SRCIN1: variants seen among roughly 807,000 people sequenced by gnomAD.
SRCIN1 encodes P130Cas-associated protein.
A neutral mutation model predicts 116.2 loss-of-function variants in SRCIN1; 50 were observed. The ratio of observed to expected loss-of-function variants is 0.43; its 90% CI spans 0.34 to 0.54. SRCIN1 has a LOEUF of 0.54. Among genes scored for constraint, SRCIN1 ranks in the 20% least tolerant of loss-of-function variants. The probability of loss-of-function intolerance (pLI) is 0.02; values close to 1 mark genes in which losing one functional copy is unlikely to be tolerated. For missense variants in SRCIN1, 1,446 were observed against 1,672.0 expected (o/e 0.86, Z 2.36); for synonymous variants, 736 against 750.0 (o/e 0.98, Z 0.30).
chr17:38,549,275 A>C, intron 15 of SRCIN1, 65 bp from the exon 16 acceptor site: 2 of 1,414,264 alleles, frequency 1.4e-6, no homozygotes, highest in African/African-American at 1.5e-5. Flanking sequence ...ACTACATCTA[A>C]CTTGAAGGGG....
intron 1 of SRCIN1, among the ~76,000 whole-genome samples, chr17:38,597,150 C>T (rs376181723): frequency 5.2e-4 from 79 of 152,334 alleles, no homozygotes; most frequent in African/African-American, 1.8e-3. Flanking sequence ...CCTAAAACAT[C>T]GACATCCCAG....
At chr17:38,580,784 A>T (rs966476548) in intron 1 of SRCIN1, among the ~76,000 whole-genome samples, 2 of 152,308 alleles carry the variant, frequency 1.3e-5, no homozygotes, top group Middle Eastern at 3.4e-3. Context: ...GTCCAAATAC[A>T]TGAGAGATGA....
intron 18 of SRCIN1, among the ~76,000 whole-genome samples, chr17:38,541,106 G>C (rs1164070748): frequency 6.6e-6 from 1 of 151,952 alleles, no homozygotes; most frequent in African/African-American, 2.4e-5. Context: ...AGGCTTGGTG[G>C]TGGGCGCCTG....
intron 3 of SRCIN1, among the ~76,000 whole-genome samples, chr17:38,565,129 G>A (rs1045324330): frequency 2.6e-5 from 4 of 152,196 alleles, no homozygotes; most frequent in South Asian, 2.1e-4. Flanking sequence ...GATGTCACAG[G>A]ACAGCTTGAT....
At chr17:38,603,744 A>AG (rs1213043072) in intron 1 of SRCIN1, among the ~76,000 whole-genome samples, 24 of 151,692 alleles carry the variant, frequency 1.6e-4, no homozygotes, top group Middle Eastern at 3.4e-3. Context: ...AGCGGGGTGG[A>AG]GGGGGGGTGC....
intron 16 of SRCIN1, 90 bp from the exon 17 acceptor site, chr17:38,548,799 C>A (rs1905218682): frequency 1.4e-5 from 20 of 1,435,400 alleles, no homozygotes; most frequent in Non-Finnish European, 1.6e-5. Context: ...TGTACCCCAG[C>A]TTCTCGTCTG....
chr17:38,555,215 C>T (rs1383856122), intron 11 of SRCIN1, among the ~76,000 whole-genome samples: 1 of 152,218 alleles, frequency 6.6e-6, no homozygotes, highest in Non-Finnish European at 1.5e-5. Context: ...ATCCCAGCCT[C>T]CCTTGCAATG....
intron 2 of SRCIN1, among the ~76,000 whole-genome samples, chr17:38,570,840 A>C (rs979301656): frequency 2.8e-4 from 43 of 152,242 alleles, no homozygotes; most frequent in Admixed American, 1.4e-3. Flanking sequence ...AGGCCAGCCA[A>C]GCCCCTCAAA....
upstream of SRCIN1, among the ~76,000 whole-genome samples, chr17:38,606,916 G>A (rs997894210): frequency 1.1e-4 from 17 of 152,342 alleles, no homozygotes; most frequent in African/African-American, 3.8e-4. This position sits in a 1 kb window ranked among gnomAD's most constrained non-coding sequence, Gnocchi z 5.2. Flanking sequence ...AGGAGAAGGT[G>A]GGCTGAGTCC....
intron 18 of SRCIN1, among the ~76,000 whole-genome samples, chr17:38,537,377 TGCAGTCCAGCTACTTGGAA>T (rs888457572): frequency 1.9e-4 from 29 of 151,990 alleles, no homozygotes; most frequent in Admixed American, 1.6e-3. Context: ...TGGCGCCACC[TGCAGTCCAGCTACTTGGAA>T]GGCTGAGGCG....
chr17:38,561,482 C>T lies in SRCIN1; in HGVS notation c.1681G>A (p.Ala561Thr). Residue 561 changes from alanine to threonine, a missense_variant, in exon 7 of 19, where the codon GCC becomes ACC. Physicochemically the swap from Ala to Thr is moderately conservative, Grantham distance 58 (BLOSUM62 0). Around this residue, in one of 5 missense-constraint regions of SRCIN1, gnomAD observed 398 missense variants for 385.6 expected, o/e 1.03. Coordinates refer to ENST00000617146, the MANE Select transcript of SRCIN1 (RefSeq NM_025248.3). Reference sequence around the variant, plus strand: ...CCTCACCTGGTCTCCGTGTCCTTGGCTGGCACTGGCGGCCCGAACCCAACC... The same window carrying T: ...CCTCACCTGGTCTCCGTGTCCTTGGTTGGCACTGGCGGCCCGAACCCAACC... ...SLVGFGPPVP[A>T]KDTETRERME... The T allele has an allele frequency of 1.2e-5, 19 of 1,590,648 alleles. No individual in the cohort carries two copies. Among genetic ancestry groups the T allele is most frequent in the Non-Finnish European group, 1.4e-5 (17 of 1,175,872 alleles).
At chr17:38,569,431 C>T (rs1428036251) in intron 2 of SRCIN1, among the ~76,000 whole-genome samples, 2 of 152,170 alleles carry the variant, frequency 1.3e-5, no homozygotes, top group African/African-American at 4.8e-5. Flanking sequence ...CGAAGGCGCC[C>T]CTGGGGGAAG....
Position 38,581,124 on chromosome 17 carries a change from G to A in SRCIN1, c.23-2333C>T, listed in dbSNP as rs183561921. Among the ~76,000 whole-genome samples the A allele has an allele frequency of 3.9e-3, 591 of 152,092 alleles. 11 individuals carry two copies. Among genetic ancestry groups the A allele is most frequent in the Non-Finnish European group, 1.0e-3 (70 of 67,970 alleles). On this transcript the variant is annotated intron_variant, in intron 1 of 18. Coordinates refer to ENST00000617146, the MANE Select transcript of SRCIN1 (RefSeq NM_025248.3). ...TGCTGAGATTAAAAGTGTGAGCCGC[G>A]GACCAGGCACGATGACTCATACCTG...
chr17:38,549,125 G>T lies in SRCIN1; in HGVS notation c.3048C>A (p.Ser1016=). The T allele has an allele frequency of 6.2e-7, 1 of 1,608,900 alleles. No individual in the cohort carries two copies. The highest frequency in any genetic ancestry group is 8.5e-7 in the Non-Finnish European group (1 of 1,178,526). ...PPPPRRSFPS[S]HGLTTTRTGE... is the part of the protein sequence containing the mutation. ...CGGTACGTGTGGTGGTCAGGCCATG[G>T]GAGGAGGGGAAGCTCCGGCGGGGAG... The change falls in exon 16 of 19, where the codon TCC becomes TCA. Residue 1016 remains serine (S), a synonymous_variant. Transcript: ENST00000617146.
chr17:38,562,215 C>G lies in SRCIN1; in HGVS notation c.948G>C (p.Leu316=), dbSNP rs908565580. 17 of 1,434,018 alleles carry G rather than the reference C, an allele frequency of 1.2e-5. No homozygotes were observed. In the African/African-American group the frequency reaches 2.4e-4, roughly 20 times the overall value. 88.8% of individuals were successfully genotyped at this position (1,434,018 alleles called of 1,614,324 possible). ...GCGAACCGGACTGCAGCCCGGACGG[C>G]AGCCCCGACGGCAGCCCGGGCGGCG... is the stretch of plus-strand genomic sequence containing the variant. ...GSPPPGLPSG[L]PSGLQSGSPS... Residue 316 remains leucine (L), a synonymous_variant, in exon 7 of 19, where the codon CTG becomes CTC. Transcript: ENST00000617146. The surrounding 1 kb of genome is among the most constrained non-coding windows in gnomAD (Gnocchi z 4.2).
At chr17:38,595,270 T>C (rs1015001328) in intron 1 of SRCIN1, among the ~76,000 whole-genome samples, 2 of 151,640 alleles carry the variant, frequency 1.3e-5, no homozygotes, top group African/African-American at 4.8e-5. Flanking sequence ...CAGGCTGGAG[T>C]GCGGTGGCGC....
chr17:38,565,695 C>T (rs1906638895), intron 3 of SRCIN1, among the ~76,000 whole-genome samples: 1 of 152,248 alleles, frequency 6.6e-6, no homozygotes, highest in Admixed American at 6.5e-5. Context: ...GATTAGCACT[C>T]TTAAAGGGAG....
chr17:38,592,223 G>A (rs556167547), intron 1 of SRCIN1, among the ~76,000 whole-genome samples: 7 of 152,282 alleles, frequency 4.6e-5, no homozygotes, highest in African/African-American at 7.2e-5. Flanking sequence ...CAGCAGTGCC[G>A]TCATCTCTGC....
In SRCIN1 at chr17:38,562,067, TG is replaced by T; in HGVS notation, c.1095del (p.Ser366AlafsTer9). ...ACGTCGCGCCGCTCCAGGATGGCGC[TG>T]GGGCTGGGGCTGACGCCCTGGGCGG... ...APAAQGVSPSPSAILERRDVK... is the reference protein window; with the variant it reads ...APAAQGVSPSXSAILERRDVK... On this transcript the variant is annotated frameshift_variant, in exon 7 of 19. Transcript: ENST00000617146. LOFTEE classifies it high-confidence loss of function. This position sits in a 1 kb window ranked among gnomAD's most constrained non-coding sequence, Gnocchi z 4.2. 6.8e-7 allele frequency: 1 copy of T among 1,470,032 alleles called. No homozygotes were observed. Among genetic ancestry groups the T allele is most frequent in the Non-Finnish European group, 8.9e-7 (1 of 1,117,614 alleles). The allele number at this position is 1,470,032 out of a possible 1,614,324, so 91.1% of individuals were successfully genotyped here.
Sources: gnomAD v4.1 joint callset for allele counts (sites outside exome capture counted in the v4.1 genomes callset) on GRCh38, gnomAD v4.1.1 for gene constraint, gnomAD v4.1.1 regional missense constraint, Gnocchi (gnomAD v3.1) non-coding constraint, MANE v1.5 for transcripts, NCBI Gene and HGNC (gene_info 2026-07-23, HGNC 2026-07-21) for gene names.